ZBTB34: variants seen among roughly 807,000 people sequenced by gnomAD.
The protein encoded by ZBTB34 is zinc finger and BTB domain containing 34, also known as zinc finger and BTB domain-containing protein 34.
ZBTB34 carries 1 observed loss-of-function variant against 33.4 expected under a neutral mutation model. That is an observed-to-expected ratio of 0.03 (90% CI 0.01 to 0.14). The LOEUF (loss-of-function observed/expected upper bound fraction) is 0.14, where lower values mean the gene tolerates loss of function less well. Among genes scored for constraint, ZBTB34 ranks in the 10% least tolerant of loss-of-function variants. The pLI, the probability that ZBTB34 is intolerant of heterozygous loss-of-function variation, is 1.00. For synonymous variants in ZBTB34, 283 were observed against 253.5 expected (o/e 1.12, Z -1.11); for missense variants, 406 against 657.2 (o/e 0.62, Z 4.18).
At chr9:126,860,902 C>T (rs1208341644) in intron 1 of ZBTB34, among the ~76,000 whole-genome samples, 163 bp downstream of exon 1, 2 of 148,948 alleles carry the variant, frequency 1.3e-5, no homozygotes, top group African/African-American at 4.9e-5. Flanking sequence ...AGGCGGCCGG[C>T]GCGGGCGGGA....
intron 1 of ZBTB34, among the ~76,000 whole-genome samples, chr9:126,862,992 A>C (rs570875713): frequency 6.6e-6 from 1 of 152,084 alleles, no homozygotes; most frequent in Non-Finnish European, 1.5e-5. Flanking sequence ...GCTACCATTC[A>C]AGGTGGATGT....
chr9:126,873,755 C>T (rs550892535), intron 1 of ZBTB34, among the ~76,000 whole-genome samples: 1 of 152,120 alleles, frequency 6.6e-6, no homozygotes, highest in South Asian at 2.1e-4. Context: ...CAGGCTCCCG[C>T]CACCACGCCC....
chr9:126,860,915 C>T (rs1380645244), intron 1 of ZBTB34, among the ~76,000 whole-genome samples, 176 bp downstream of exon 1: 15 of 149,552 alleles, frequency 1.0e-4, no homozygotes, highest in Admixed American at 9.9e-4. Flanking sequence ...GGGCGGGAGC[C>T]GAGGCCGGGC....
chr9:126,861,006 G>A (rs1170571895), intron 1 of ZBTB34, among the ~76,000 whole-genome samples: 1 of 151,924 alleles, frequency 6.6e-6, no homozygotes, highest in East Asian at 1.9e-4. Context: ...TGGAGTCCCG[G>A]CGCCGCTGGC....
At chr9:126,876,395 C>T (rs2033364557) in intron 1 of ZBTB34, among the ~76,000 whole-genome samples, 1 of 150,652 alleles carries the variant, frequency 6.6e-6, no homozygotes, top group Admixed American at 6.6e-5. Flanking sequence ...TTAACTTTTT[C>T]TCACATGCAT....
At chr9:126,876,132 A>G (rs1177465885) in intron 1 of ZBTB34, among the ~76,000 whole-genome samples, 1 of 89,416 alleles carries the variant, frequency 1.1e-5, no homozygotes, top group African/African-American at 4.7e-5. Context: ...TGCAGACATC[A>G]TGTTTCCTTT....
At chr9:126,878,481 A>C (rs1490318840) in intron 1 of ZBTB34, among the ~76,000 whole-genome samples, 1 of 151,906 alleles carries the variant, frequency 6.6e-6, no homozygotes, top group Admixed American at 6.6e-5. Context: ...AAAAAAAAAA[A>C]AAGTAATAAT....
chr9:126,875,010 A>G (rs1341907109), intron 1 of ZBTB34, among the ~76,000 whole-genome samples: 1 of 152,158 alleles, frequency 6.6e-6, no homozygotes, highest in African/African-American at 2.4e-5. Context: ...GACATCTATA[A>G]GTTTGGTTGT....
intron 1 of ZBTB34, among the ~76,000 whole-genome samples, chr9:126,877,204 C>A (rs1157685013): frequency 6.6e-6 from 1 of 152,156 alleles, no homozygotes; most frequent in Admixed American, 6.5e-5. Context: ...CCCAACATTT[C>A]ATTTTGAAAA....
In ZBTB34 at chr9:126,879,188, A is replaced by G. The variant is rs1564225610; in HGVS notation, c.-10-202A>G. ...AAGATGAATATTAGGCAATTATGACATTAGGCTAATTGATCATTAGTTTAT... is the reference window on the plus strand; with the variant it reads ...AAGATGAATATTAGGCAATTATGACGTTAGGCTAATTGATCATTAGTTTAT... On this transcript the variant is annotated intron_variant, in intron 1 of 1. Coordinates refer to ENST00000319119, the Ensembl canonical transcript of ZBTB34. The surrounding 1 kb of genome is among the most constrained non-coding windows in gnomAD (Gnocchi z 6.4). Among the ~76,000 whole-genome samples, 1 of 152,244 alleles carries G rather than the reference A, an allele frequency of 6.6e-6. No homozygotes were observed. Among genetic ancestry groups the G allele is most frequent in the Non-Finnish European group, 1.5e-5 (1 of 68,038 alleles).
intron 1 of ZBTB34, among the ~76,000 whole-genome samples, chr9:126,870,755 CG>C (rs1412659398): frequency 6.6e-6 from 1 of 152,030 alleles, no homozygotes; most frequent in African/African-American, 2.4e-5. Context: ...GGTGAAACCC[CG>C]TCTCTACTAA....
In ZBTB34 at chr9:126,880,937, A is replaced by G. The variant is rs1216210936; in HGVS notation, c.*23A>G. 2 of 1,585,290 alleles carry G rather than the reference A, an allele frequency of 1.3e-6. No individual in the cohort carries two copies. The highest frequency in any genetic ancestry group is 3.6e-5 in the Admixed American group (2 of 55,668). ...TAAGATGGTAAAGAAGTGCACCCAA[A>G]CAAAGCACATTAATCAATGCATATT... On this transcript the variant is annotated 3_prime_UTR_variant, in exon 2 of 2. Coordinates refer to ENST00000319119, the Ensembl canonical transcript of ZBTB34. The surrounding 1 kb of genome is among the most constrained non-coding windows in gnomAD (Gnocchi z 6.7).
chr9:126,871,322 A>G (rs991858857), intron 1 of ZBTB34, among the ~76,000 whole-genome samples: 3 of 151,844 alleles, frequency 2.0e-5, no homozygotes, highest in African/African-American at 7.3e-5. Flanking sequence ...AAGTTAGAAA[A>G]AAATAGGTCA....
intron 1 of ZBTB34, among the ~76,000 whole-genome samples, chr9:126,870,479 C>T (rs558962494): frequency 2.6e-5 from 4 of 152,200 alleles, no homozygotes; most frequent in African/African-American, 7.2e-5. Flanking sequence ...ATACTTGCAG[C>T]GCATGACAAA....
chr9:126,862,646 C>G (rs1184484029), intron 1 of ZBTB34, among the ~76,000 whole-genome samples: 3 of 152,154 alleles, frequency 2.0e-5, no homozygotes, highest in Non-Finnish European at 4.4e-5. Context: ...TCCTTCAAGC[C>G]CCTGCTGCAG....
chr9:126,864,258 G>C (rs775558750), intron 1 of ZBTB34, among the ~76,000 whole-genome samples: 15 of 152,140 alleles, frequency 9.9e-5, no homozygotes, highest in Non-Finnish European at 1.9e-4. Flanking sequence ...GCCTCTCTGG[G>C]TTTGCTTCCT....
In ZBTB34 at chr9:126,880,644, G is replaced by A; in HGVS notation, c.1245G>A (p.Arg415=). The change falls in exon 2 of 2, where the codon CGG becomes CGA. Residue 415 remains arginine (R), a synonymous_variant. Transcript: ENST00000319119. This position sits in a 1 kb window ranked among gnomAD's most constrained non-coding sequence, Gnocchi z 6.7. ...AGTTCTGTGGGAAGAAGTACACACG[G>A]AAGGACCAACTGGAGTACCACATCC... 2 of 1,613,866 alleles carry A rather than the reference G, an allele frequency of 1.2e-6. No homozygotes were observed. Among genetic ancestry groups the A allele is most frequent in the African/African-American group, 2.7e-5 (2 of 75,050 alleles).
intron 1 of ZBTB34, among the ~76,000 whole-genome samples, chr9:126,871,394 C>T (rs572121419): frequency 6.2e-5 from 9 of 145,632 alleles, no homozygotes; most frequent in South Asian, 2.2e-4. Flanking sequence ...GATGGAGTCT[C>T]GCTCTGTCGC....
At chr9:126,869,750 C>G (rs1462361999) in intron 1 of ZBTB34, among the ~76,000 whole-genome samples, 1 of 152,094 alleles carries the variant, frequency 6.6e-6, no homozygotes, top group African/African-American at 2.4e-5. Flanking sequence ...TATTCTCTTT[C>G]TTTGTAAGAA....
Sources: allele counts gnomAD v4.1 joint callset (sites outside exome capture counted in the v4.1 genomes callset), GRCh38; gene constraint gnomAD v4.1.1; non-coding constraint Gnocchi (gnomAD v3.1); transcripts MANE v1.5; gene names NCBI Gene and HGNC (gene_info 2026-07-23, HGNC 2026-07-21).